NRG2: variants seen among roughly 807,000 people sequenced by gnomAD.
The protein encoded by NRG2 is pro-neuregulin-2, membrane-bound isoform.
In NRG2, 27 loss-of-function variants were observed where a neutral mutation model predicts 73.9. The observed-to-expected ratio is 0.37, with a 90% confidence interval of 0.27 to 0.50. The LOEUF (loss-of-function observed/expected upper bound fraction) is 0.50, where lower values mean the gene tolerates loss of function less well. Ranked by LOEUF, NRG2 falls within the 20% of genes least tolerant of loss-of-function variation. The probability of loss-of-function intolerance (pLI) is 0.96; values close to 1 mark genes in which losing one functional copy is unlikely to be tolerated. For synonymous variants in NRG2, 532 were observed against 541.0 expected, an observed-to-expected ratio of 0.98 and a Z score of 0.23; for missense variants, 1,126 against 1,210.1, an observed-to-expected ratio of 0.93 and a Z score of 1.03.
intron 1 of NRG2, among the ~76,000 whole-genome samples, chr5:139,897,915 GA>G (rs1764645561): frequency 6.6e-6 from 1 of 152,232 alleles, no homozygotes; most frequent in Non-Finnish European, 1.5e-5. Context: ...GCCTGGGCAG[GA>G]AGCTCAACTG....
intron 1 of NRG2, among the ~76,000 whole-genome samples, chr5:139,922,869 A>G (rs962457307): frequency 2.0e-5 from 3 of 152,240 alleles, no homozygotes; most frequent in Non-Finnish European, 4.4e-5. Flanking sequence ...TACATACTGT[A>G]TGATTCCAAC....
At chr5:139,848,758 G>C in intron 9 of NRG2, 61 bp from the exon 10 acceptor site, 7 of 718,192 alleles carry the variant, frequency 9.7e-6, no homozygotes, top group Non-Finnish European at 1.2e-5. Context: ...GGGAGGGGGG[G>C]TTGGGGGTGG....
intron 1 of NRG2, among the ~76,000 whole-genome samples, chr5:139,925,734 C>T (rs563195838): frequency 1.1e-4 from 16 of 152,278 alleles, no homozygotes; most frequent in South Asian, 4.1e-4. Flanking sequence ...GCAGAGGCCA[C>T]GGGCAGTAGC....
At chr5:139,960,952 G>A (rs1160177757) in intron 1 of NRG2, among the ~76,000 whole-genome samples, 1 of 152,060 alleles carries the variant, frequency 6.6e-6, no homozygotes, top group African/African-American at 2.4e-5. Flanking sequence ...CATGAACTCT[G>A]AAGAAGCTGC....
chr5:139,971,885 T>G (rs1489934982), intron 1 of NRG2, among the ~76,000 whole-genome samples: 2 of 152,208 alleles, frequency 1.3e-5, no homozygotes, highest in African/African-American at 4.8e-5. Flanking sequence ...GCATAATTGA[T>G]TCTCAAATTT....
At chr5:139,848,726 G>C (rs1240185686) in intron 9 of NRG2, 29 bp from the exon 10 acceptor site, 3 of 1,273,794 alleles carry the variant, frequency 2.4e-6, no homozygotes, top group African/African-American at 1.6e-5. Context: ...GCATGGGCCA[G>C]GGCCAGGCCG....
intron 1 of NRG2, among the ~76,000 whole-genome samples, chr5:139,888,192 G>A (rs1007997168): frequency 1.3e-5 from 2 of 152,078 alleles, no homozygotes; most frequent in Non-Finnish European, 2.9e-5. Context: ...GCCAGTGCTC[G>A]TGCTGAGGTG....
At chr5:140,016,351 A>G (rs971539993) in intron 1 of NRG2, among the ~76,000 whole-genome samples, 3 of 152,226 alleles carry the variant, frequency 2.0e-5, no homozygotes, top group Non-Finnish European at 4.4e-5. Context: ...TAATTTAACT[A>G]TACGATTCTA....
intron 1 of NRG2, among the ~76,000 whole-genome samples, chr5:139,986,982 G>T (rs978700632): frequency 6.6e-6 from 1 of 152,104 alleles, no homozygotes; most frequent in African/African-American, 2.4e-5. Context: ...GCTCTTTAGG[G>T]GTTGGAGGCA....
Position 139,848,376 on chromosome 5 carries a change from G to A in NRG2, c.2094C>T (p.Gly698=). The change falls in exon 10 of 10, where the codon GGC becomes GGT. Residue 698 remains glycine, a synonymous_variant. Transcript: ENST00000361474. ...TGCGGAAGGGGCTGGCAGGCAGGCT[G>A]CCCAGGCTGCCGCCGAGCGCGCAGG... ...RGTCALGGSL[G]SLPASPFRIP... 1 of 1,248,646 alleles carries A rather than the reference G, an allele frequency of 8.0e-7. No homozygotes were observed. Among genetic ancestry groups the A allele is most frequent in the Non-Finnish European group, 1.0e-6 (1 of 1,002,680 alleles). The allele number at this position is 1,248,646 out of a possible 1,614,324, so 77.3% of individuals were successfully genotyped here.
At position 139,904,482 on chromosome 5, in the gene NRG2, G is replaced by T; in HGVS notation, c.701-16971C>A. 1.3e-6 allele frequency: 1 copy of T among 766,016 alleles called. No individual in the cohort carries two copies. Among genetic ancestry groups the T allele is most frequent in the Non-Finnish European group, 2.1e-6 (1 of 484,548 alleles). The allele number at this position is 766,016 out of a possible 1,614,324, so 47.5% of individuals were successfully genotyped here. ...CGCCGCCTGCAGCCTCAGTGCCCGAGCGCGGCGCCTTTCTTATAGGCGGTC... is the reference window on the plus strand; with the variant it reads ...CGCCGCCTGCAGCCTCAGTGCCCGATCGCGGCGCCTTTCTTATAGGCGGTC... On this transcript the variant is annotated intron_variant, in intron 1 of 9. Coordinates refer to ENST00000361474, the MANE Select transcript of NRG2 (RefSeq NM_004883.3). This position sits in a 1 kb window ranked among gnomAD's most constrained non-coding sequence, Gnocchi z 6.0.
chr5:139,932,636 C>CA (rs1283543107), intron 1 of NRG2, among the ~76,000 whole-genome samples: 3 of 151,756 alleles, frequency 2.0e-5, no homozygotes, highest in Non-Finnish European at 4.4e-5. Context: ...CCTTATCACA[C>CA]AAAAAATACT....
At chr5:139,959,528 C>T (rs1191475029) in intron 1 of NRG2, among the ~76,000 whole-genome samples, 5 of 152,252 alleles carry the variant, frequency 3.3e-5, no homozygotes. Context: ...AGGCATGCGC[C>T]ACCACGCCCA....
Position 140,000,543 on chromosome 5 carries a change from C to T in NRG2, c.700+41827G>A, listed in dbSNP as rs759381795. Among the ~76,000 whole-genome samples the T allele has an allele frequency of 7.9e-5, 12 of 152,246 alleles. 1 individual carries two copies. Among genetic ancestry groups the T allele is most frequent in the Non-Finnish European group, 1.5e-4 (10 of 68,042 alleles). The stretch of plus-strand genomic sequence containing the variant: ...CGTGAGAACCCATCAGCTGGAAACA[C>T]CGAAGGCGGGCAGGCAGGCGGAATG... On this transcript the variant is annotated intron_variant, in intron 1 of 9. Coordinates refer to ENST00000361474, the MANE Select transcript of NRG2 (RefSeq NM_004883.3).
chr5:140,013,064 C>T (rs925151801), intron 1 of NRG2, among the ~76,000 whole-genome samples: 49 of 152,278 alleles, frequency 3.2e-4, no homozygotes, highest in Admixed American at 1.3e-4. Flanking sequence ...CCTCAAACTT[C>T]GAACATCTCC....
chr5:139,945,020 T>A (rs980828627), intron 1 of NRG2, among the ~76,000 whole-genome samples: 4 of 152,194 alleles, frequency 2.6e-5, no homozygotes. Flanking sequence ...TGAGGATTTT[T>A]CATATATTGT....
chr5:139,899,397 G>A (rs1322667033), intron 1 of NRG2, among the ~76,000 whole-genome samples: 1 of 152,222 alleles, frequency 6.6e-6, no homozygotes, highest in Non-Finnish European at 1.5e-5. Context: ...CTTTAAATCA[G>A]GTTCCCAATA....
intron 1 of NRG2, among the ~76,000 whole-genome samples, chr5:139,965,023 G>A (rs995838236): frequency 3.9e-5 from 6 of 152,230 alleles, no homozygotes; most frequent in African/African-American, 1.4e-4. Flanking sequence ...TGATGCACGG[G>A]CACTAGGATT....
At chr5:139,993,132 G>C (rs945739747) in intron 1 of NRG2, among the ~76,000 whole-genome samples, 3 of 151,998 alleles carry the variant, frequency 2.0e-5, no homozygotes, top group African/African-American at 7.2e-5. Context: ...GTGGTGGGGA[G>C]GGGGAGGTTC....
Sources: allele counts gnomAD v4.1 joint callset (sites outside exome capture counted in the v4.1 genomes callset), GRCh38; gene constraint gnomAD v4.1.1; non-coding constraint Gnocchi (gnomAD v3.1); transcripts MANE v1.5; gene names NCBI Gene and HGNC (gene_info 2026-07-23, HGNC 2026-07-21).